COL4A6: variants seen among roughly 807,000 people sequenced by gnomAD.
COL4A6 encodes the protein collagen alpha-6(IV) chain.
A neutral mutation model predicts 126.7 loss-of-function variants in COL4A6; 59 were observed. The ratio of observed to expected loss-of-function variants is 0.47; its 90% CI spans 0.38 to 0.58. The LOEUF is 0.58. Among genes scored for constraint, COL4A6 ranks in the 20% least tolerant of loss-of-function variants. COL4A6 has a pLI of 0.00. For missense variants in COL4A6, 1,285 were observed against 1,337.3 expected (o/e 0.96, Z 0.61); for synonymous variants, 547 against 496.6 (o/e 1.10, Z -1.35).
At chrX:108,337,370 C>T (rs1472347913) in intron 2 of COL4A6, among the ~76,000 whole-genome samples, 1 of 112,163 alleles carries the variant, frequency 8.9e-6, no homozygotes, top group African/African-American at 3.2e-5. Context: ...GAGAGATCTA[C>T]AAATGTCCAC....
chrX:108,163,009 G>C lies in COL4A6; in HGVS notation c.4099C>G (p.Gln1367Glu). The C allele has an allele frequency of 1.7e-6, 2 of 1,200,150 alleles. No individual in the cohort carries two copies. The highest frequency in any genetic ancestry group is 1.1e-6 in the Non-Finnish European group (1 of 891,068). Residue 1367 changes from glutamine to glutamate, a missense_variant, in exon 41 of 45, where the codon CAA becomes GAA. Physicochemically the swap from Gln to Glu is conservative, Grantham distance 29. Coordinates refer to ENST00000334504, the MANE Select transcript of COL4A6 (RefSeq NM_033641.4). ...GSSGLQGDPG[Q>E]TPTAEAVQVP... The stretch of plus-strand genomic sequence containing the variant: ...TGGACAGCTTCTGCAGTTGGTGTTT[G>C]TCCAGGATCACCTTGGAGGCCAGAA...
At chrX:108,356,942 A>G (rs1324871725) in intron 2 of COL4A6, among the ~76,000 whole-genome samples, 2 of 111,515 alleles carry the variant, frequency 1.8e-5, no homozygotes, top group African/African-American at 6.5e-5. Context: ...ACATTAATTC[A>G]TCATCCTCAT....
intron 3 of COL4A6, among the ~76,000 whole-genome samples, chrX:108,295,999 C>T (rs1050020813): frequency 2.7e-5 from 3 of 112,131 alleles, no homozygotes; most frequent in African/African-American, 9.7e-5. Flanking sequence ...GTTATCAGAA[C>T]GATCAGCAAC....
intron 2 of COL4A6, among the ~76,000 whole-genome samples, chrX:108,331,687 C>A (rs2039304853): frequency 9.0e-6 from 1 of 111,219 alleles, no homozygotes; most frequent in Non-Finnish European, 1.9e-5. Context: ...AGGGTAGAGA[C>A]CCAGGGAAGA....
intron 30 of COL4A6, 136 bp from the exon 31 acceptor site, chrX:108,174,757 G>A (rs984656697): frequency 3.7e-6 from 2 of 536,529 alleles, no homozygotes; most frequent in Admixed American, 4.0e-5. Flanking sequence ...GTGAAGTGGG[G>A]AGAGATGCTT....
At chrX:108,302,250 T>C (rs1220279777) in intron 3 of COL4A6, among the ~76,000 whole-genome samples, 1 of 111,742 alleles carries the variant, frequency 8.9e-6, no homozygotes, top group Non-Finnish European at 1.9e-5. Flanking sequence ...AAAGATGAAA[T>C]AAACAGCATG....
intron 27 of COL4A6, 124 bp downstream of exon 27, chrX:108,178,560 G>C (rs2034572392): frequency 1.5e-6 from 1 of 688,743 alleles, no homozygotes; most frequent in African/African-American, 2.2e-5. Context: ...TGAGAGCTTA[G>C]GAAAGTCAAG....
chrX:108,406,625 A>G (rs1045925911), intron 2 of COL4A6, among the ~76,000 whole-genome samples: 3 of 111,324 alleles, frequency 2.7e-5, no homozygotes, highest in Non-Finnish European at 5.7e-5. Context: ...TTACTTTTTA[A>G]TTTTTGTGGG....
chrX:108,200,451 A>G (rs1487960262), intron 13 of COL4A6, among the ~76,000 whole-genome samples: 3 of 112,314 alleles, frequency 2.7e-5, no homozygotes, highest in Admixed American at 1.9e-4. Flanking sequence ...GGACAGCCTT[A>G]TATTTTGTAA....
chrX:108,419,832 G>A (rs1443838107), intron 2 of COL4A6, among the ~76,000 whole-genome samples: 1 of 111,558 alleles, frequency 9.0e-6, no homozygotes, highest in African/African-American at 3.3e-5. Flanking sequence ...TTTGTCCATC[G>A]CTACAGCATA....
chrX:108,229,759 C>G (rs1453802712), intron 3 of COL4A6, among the ~76,000 whole-genome samples: 1 of 111,940 alleles, frequency 8.9e-6, no homozygotes, highest in African/African-American at 3.2e-5. Flanking sequence ...ACTTAGGGCA[C>G]CTCTCCTTCT....
intron 44 of COL4A6, 65 bp from the exon 45 acceptor site, chrX:108,157,325 G>C (rs1252501782): frequency 2.6e-6 from 3 of 1,161,649 alleles, no homozygotes; most frequent in Non-Finnish European, 3.4e-6. Flanking sequence ...GGAGGGGATG[G>C]GTGCTCCACT....
At chrX:108,336,608 C>T (rs1351759248) in intron 2 of COL4A6, among the ~76,000 whole-genome samples, 1 of 110,854 alleles carries the variant, frequency 9.0e-6, no homozygotes, top group African/African-American at 3.3e-5. Context: ...ATGAATTGTA[C>T]TGTTTAAATG....
Position 108,159,538 on chromosome X carries a change from A to G in COL4A6, c.4736T>C (p.Val1579Ala). 1 of 1,212,377 alleles carries G rather than the reference A, an allele frequency of 8.2e-7. No individual in the cohort carries two copies. The highest frequency in any genetic ancestry group is 1.1e-6 in the Non-Finnish European group (1 of 895,616). The change falls in exon 44 of 45, where the codon GTG becomes GCG. Residue 1579 changes from valine to alanine, a missense_variant. Transcript: ENST00000334504. ...VCEAPSQAIA[V>A]HSQDITIPQC... ...CGGGATGGTGATGTCCTGGCTGTGC[A>G]CAGCAATGGCTTGCGAGGGTGCCTC...
intron 3 of COL4A6, among the ~76,000 whole-genome samples, chrX:108,298,451 C>T (rs1414687908): frequency 1.8e-5 from 2 of 111,794 alleles, no homozygotes; most frequent in Non-Finnish European, 3.8e-5. Context: ...CGCCTGGCCT[C>T]CGGGCCCTCT....
intron 2 of COL4A6, among the ~76,000 whole-genome samples, chrX:108,348,387 G>A (rs1204481679): frequency 2.7e-5 from 3 of 110,531 alleles, no homozygotes; most frequent in South Asian, 3.9e-4. Flanking sequence ...TCTGCATATA[G>A]GAAGGAAAAA....
At chrX:108,308,607 G>A (rs1438617421) in intron 3 of COL4A6, among the ~76,000 whole-genome samples, 1 of 112,289 alleles carries the variant, frequency 8.9e-6, no homozygotes, top group Non-Finnish European at 1.9e-5. Context: ...TATGTGAAAA[G>A]ACATTTAAAC....
In COL4A6 at chrX:108,389,282, T is replaced by C. The variant is rs1453108087; in HGVS notation, c.63+48660A>G. Among the ~76,000 whole-genome samples the C allele has an allele frequency of 2.7e-5, 3 of 111,687 alleles. No homozygotes were observed. The Admixed American group carries it at 2.8e-4, about 11-fold the overall frequency. On this transcript the variant is annotated intron_variant, in intron 2 of 44. Coordinates refer to ENST00000334504, the MANE Select transcript of COL4A6 (RefSeq NM_033641.4). ...GTCCTGGATATCCTTGTTAATTTTC[T>C]GTCTTGTTGATCTGTCTAATATTGA...
chrX:108,257,598 T>A (rs2037040049), intron 3 of COL4A6, among the ~76,000 whole-genome samples: 1 of 111,414 alleles, frequency 9.0e-6, no homozygotes, highest in Non-Finnish European at 1.9e-5. Flanking sequence ...AGACTCTGCT[T>A]GTCCAAACCT....
Sources: allele counts gnomAD v4.1 joint callset (sites outside exome capture counted in the v4.1 genomes callset), GRCh38; gene constraint gnomAD v4.1.1; transcripts MANE v1.5; gene names NCBI Gene and HGNC (gene_info 2026-07-23, HGNC 2026-07-21).